Variants in KANK1 observed in about 807,000 individuals in gnomAD.
KANK1 encodes the protein KN motif and ankyrin repeat domain-containing protein 1.
Under a neutral mutation model 106.2 loss-of-function variants are expected in KANK1, and 109 were observed. The ratio of observed to expected loss-of-function variants is 1.03; its 90% confidence interval spans 0.88 to 1.20. The LOEUF (loss-of-function observed/expected upper bound fraction) is 1.20. Ranked by LOEUF, KANK1 falls within the 50% of genes most tolerant of loss-of-function variation. The pLI, the probability that KANK1 is intolerant of heterozygous loss-of-function variation, is 0.00. For missense variants in KANK1, 2,399 were observed against 1,710.7 expected (o/e 1.40, Z -7.10); for synonymous variants, 873 against 652.2 (o/e 1.34, Z -5.16).
upstream of KANK1, among the ~76,000 whole-genome samples, chr9:502,809 A>G (rs2058581505): frequency 6.6e-6 from 1 of 152,056 alleles, no homozygotes. Context: ...TATAGGTGTG[A>G]GCCAGTGCAC....
chr9:571,841 T>C (rs941857144), intron 1 of KANK1, among the ~76,000 whole-genome samples: 3 of 152,160 alleles, frequency 2.0e-5, no homozygotes, highest in African/African-American at 7.2e-5. Flanking sequence ...GAGAAAAATA[T>C]GGGTTTATAG....
At chr9:542,609 C>T (rs2060670731) in intron 1 of KANK1, among the ~76,000 whole-genome samples, 1 of 152,120 alleles carries the variant, frequency 6.6e-6, no homozygotes, top group African/African-American at 2.4e-5. Context: ...CTTCTGTGTC[C>T]CTCGCAGCAT....
chr9:630,247 TAAAAAA>T (rs889947458), intron 1 of KANK1, among the ~76,000 whole-genome samples: 41 of 127,720 alleles, frequency 3.2e-4, no homozygotes, highest in Non-Finnish European at 4.5e-4. Context: ...GACTCTGTCT[TAAAAAA>T]AAGAAAAAAA....
chr9:732,363 C>G lies in KANK1; in HGVS notation c.3006-15C>G. The G allele has an allele frequency of 6.2e-7, 1 of 1,601,084 alleles. No homozygotes were observed. The highest frequency in any genetic ancestry group is 8.5e-7 in the Non-Finnish European group (1 of 1,169,622). On this transcript the variant is annotated splice_polypyrimidine_tract_variant and intron_variant, in intron 5 of 11. Transcript: ENST00000382297. ...AGCACACCTTGCATCTCCTGAAATC[C>G]CAATTGCCACCTAGGTATGAAACAA...
chr9:491,330 T>A (rs1466075243), intron 3 of KANK1, among the ~76,000 whole-genome samples: 1 of 150,962 alleles, frequency 6.6e-6, no homozygotes, highest in Non-Finnish European at 1.5e-5. Context: ...TGCAGTGGCA[T>A]GATCTCAGCT....
At chr9:741,142 T>G (rs1483446911) in intron 9 of KANK1, among the ~76,000 whole-genome samples, 2 of 152,190 alleles carry the variant, frequency 1.3e-5, no homozygotes, top group Non-Finnish European at 2.9e-5. Context: ...CACTGGAAAC[T>G]TCTCCCTCCT....
At chr9:675,790 G>A (rs556424710) in intron 1 of KANK1, among the ~76,000 whole-genome samples, 21 of 152,216 alleles carry the variant, frequency 1.4e-4, no homozygotes, top group African/African-American at 4.6e-4. Context: ...AATAAAGAAT[G>A]GCTACTCCAT....
chr9:700,590 A>G (rs1203669336), intron 2 of KANK1, among the ~76,000 whole-genome samples: 1 of 152,172 alleles, frequency 6.6e-6, no homozygotes, highest in Non-Finnish European at 1.5e-5. Context: ...TTTGAACAGC[A>G]GGATGCTTAC....
At chr9:641,909 G>T (rs6477069) in intron 1 of KANK1, among the ~76,000 whole-genome samples, 2 of 151,902 alleles carry the variant, frequency 1.3e-5, no homozygotes, top group African/African-American at 4.8e-5. Context: ...GTAACCATTG[G>T]CATAAACAAC....
At chr9:563,787 A>G in intron 1 of KANK1, among the ~76,000 whole-genome samples, 1 of 152,270 alleles carries the variant, frequency 6.6e-6, no homozygotes, top group Admixed American at 6.5e-5. Context: ...GACGCAGCAA[A>G]TTCAGTTCAG....
intron 2 of KANK1, among the ~76,000 whole-genome samples, chr9:678,417 A>G (rs1283858274): frequency 6.6e-6 from 1 of 152,164 alleles, no homozygotes; most frequent in Non-Finnish European, 1.5e-5. Context: ...AAGTTCAGGG[A>G]CTTACTGTAA....
Position 712,311 on chromosome 9 carries a change from G to T in KANK1, c.1545G>T (p.Val515=). 1 of 1,614,226 alleles carries T rather than the reference G, an allele frequency of 6.2e-7. No individual in the cohort carries two copies. The highest frequency in any genetic ancestry group is 8.5e-7 in the Non-Finnish European group (1 of 1,180,040). Residue 515 remains valine (V), a synonymous_variant, in exon 3 of 12, where the codon GTG becomes GTT. Transcript: ENST00000382297. Reference sequence around the variant, plus strand: ...CCCAGCCGCTTGTTTTCAGTAAGGTGGTGGAGGCAGTGGTGCAGACCAGAG... The same window carrying T: ...CCCAGCCGCTTGTTTTCAGTAAGGTTGTGGAGGCAGTGGTGCAGACCAGAG... ...TMAQPLVFSK[V]VEAVVQTRDQ...
intron 1 of KANK1, chr9:660,116 C>G (rs1468943535): frequency 2.3e-6 from 1 of 432,354 alleles, no homozygotes; most frequent in Non-Finnish European, 4.6e-6. Flanking sequence ...CAGGAAGACC[C>G]TTACTACTGT....
intron 3 of KANK1, among the ~76,000 whole-genome samples, chr9:495,069 CTG>C: frequency 6.6e-6 from 1 of 152,302 alleles, no homozygotes; most frequent in African/African-American, 2.4e-5. Context: ...TTCTAGAATT[CTG>C]TGTGTTTCCT....
At chr9:637,119 G>T (rs1419022821) in intron 1 of KANK1, among the ~76,000 whole-genome samples, 1 of 152,090 alleles carries the variant, frequency 6.6e-6, no homozygotes, top group African/African-American at 2.4e-5. Flanking sequence ...CTTAATTTCT[G>T]CTGTATCAGC....
intron 1 of KANK1, among the ~76,000 whole-genome samples, chr9:590,512 A>T (rs1192643249): frequency 6.6e-6 from 1 of 152,174 alleles, no homozygotes; most frequent in East Asian, 1.9e-4. Flanking sequence ...TTCATGCATT[A>T]TTATTAGAGA....
At chr9:655,916 C>G (rs1429527549) in intron 1 of KANK1, among the ~76,000 whole-genome samples, 1 of 152,188 alleles carries the variant, frequency 6.6e-6, no homozygotes, top group African/African-American at 2.4e-5. Flanking sequence ...AGGCCTTTCC[C>G]CTTTGTAACT....
intron 1 of KANK1, among the ~76,000 whole-genome samples, chr9:522,890 C>G (rs1037006819): frequency 6.6e-6 from 1 of 151,702 alleles, no homozygotes. Context: ...GGCCCAAAAG[C>G]TAAATGCCTG....
intron 8 of KANK1, 115 bp from the exon 9 acceptor site, chr9:740,677 C>A: frequency 2.6e-6 from 3 of 1,161,296 alleles, no homozygotes; most frequent in South Asian, 3.1e-5. Context: ...GGTCTCCAGC[C>A]ACCTGGTACC....
Sources: allele counts gnomAD v4.1 joint callset (sites outside exome capture counted in the v4.1 genomes callset), GRCh38; gene constraint gnomAD v4.1.1; transcripts MANE v1.5; gene names NCBI Gene and HGNC (gene_info 2026-07-23, HGNC 2026-07-21).